SPI1: variants seen among roughly 807,000 people sequenced by gnomAD.
SPI1 encodes transcription factor PU.1.
Under a neutral mutation model 30.7 loss-of-function variants are expected in SPI1, and 3 were observed. The observed-to-expected ratio is 0.10, with a 90% CI of 0.04 to 0.25. SPI1 has a LOEUF of 0.25. Among genes scored for constraint, SPI1 ranks in the 10% least tolerant of loss-of-function variants. The probability of loss-of-function intolerance (pLI) is 1.00; values close to 1 mark genes in which losing one functional copy is unlikely to be tolerated. For synonymous variants in SPI1, 169 were observed against 157.1 expected, an observed-to-expected ratio of 1.08 and a Z score of -0.56; for missense variants, 261 against 371.5, an observed-to-expected ratio of 0.70 and a Z score of 2.45.
At chr11:47,361,086 A>T (rs890763243) in intron 2 of SPI1, among the ~76,000 whole-genome samples, 1 of 151,998 alleles carries the variant, frequency 6.6e-6, no homozygotes, top group Non-Finnish European at 1.5e-5. Flanking sequence ...GCGCCACTGC[A>T]CTCCAGCCTG....
intron 2 of SPI1, among the ~76,000 whole-genome samples, chr11:47,373,562 C>T (rs1264495604): frequency 4.6e-5 from 7 of 151,630 alleles, no homozygotes; most frequent in African/African-American, 1.5e-4. Context: ...GCAAGAGAAT[C>T]GCTTGGACCC....
At position 47,355,094 on chromosome 11, in the gene SPI1, G is replaced by C; in HGVS notation, c.*133C>G. The stretch of plus-strand genomic sequence containing the variant: ...GGGCCTGGAGTGGGGGGAGGGGGCG[G>C]GTGAGGCGAGGCCCGGCCCGCCACA... On this transcript the variant is annotated 3_prime_UTR_variant, in exon 5 of 5. Coordinates refer to ENST00000378538, the MANE Select transcript of SPI1 (RefSeq NM_003120.3). The C allele has an allele frequency of 1.8e-6, 1 of 561,724 alleles. No homozygotes were observed. Among genetic ancestry groups the C allele is most frequent in the Non-Finnish European group, 2.6e-6 (1 of 384,468 alleles). The allele number at this position is 561,724 out of a possible 1,614,324, so 34.8% of individuals were successfully genotyped here.
At chr11:47,357,230 T>C (rs575731705) in intron 4 of SPI1, among the ~76,000 whole-genome samples, 9 of 150,284 alleles carry the variant, frequency 6.0e-5, no homozygotes, top group South Asian at 4.3e-4. Flanking sequence ...TGCTCACACA[T>C]ATGCTCACAC....
At chr11:47,370,784 A>G (rs1008473282) in intron 2 of SPI1, among the ~76,000 whole-genome samples, 1 of 152,228 alleles carries the variant, frequency 6.6e-6, no homozygotes, top group African/African-American at 2.4e-5. Context: ...AGCTGTGAGT[A>G]ATAGCCACAT....
chr11:47,377,294 G>C (rs943846515), intron 1 of SPI1, among the ~76,000 whole-genome samples: 1 of 152,174 alleles, frequency 6.6e-6, no homozygotes, highest in African/African-American at 2.4e-5. Flanking sequence ...AGGGCATAGT[G>C]GGGGAAGGGA....
In SPI1 at chr11:47,375,756, T is replaced by G. The variant is rs767373871; in HGVS notation, c.46-27A>C. 1 of 1,585,760 alleles carries G rather than the reference T, an allele frequency of 6.3e-7. No homozygotes were observed. Among genetic ancestry groups the G allele is most frequent in the South Asian group, 1.1e-5 (1 of 90,484 alleles). Reference sequence around the variant, plus strand: ...TGCTGAGAGAGGAGGTGTCAGGGCCTGCACCATGGTGGGAGACCCCAGCCA... The same window carrying G: ...TGCTGAGAGAGGAGGTGTCAGGGCCGGCACCATGGTGGGAGACCCCAGCCA... On this transcript the variant is annotated intron_variant, in intron 1 of 4. Transcript: ENST00000378538. The surrounding 1 kb of genome is among the most constrained non-coding windows in gnomAD (Gnocchi z 4.2).
chr11:47,359,028 T>A lies in SPI1; in HGVS notation c.331-22A>T, dbSNP rs763680569. ...AGACCTGGACGGTGGGGGAAGGAGATCAGAGTCAGGAAGGGCCAGCTTACA... is the reference window on the plus strand; with the variant it reads ...AGACCTGGACGGTGGGGGAAGGAGAACAGAGTCAGGAAGGGCCAGCTTACA... On this transcript the variant is annotated intron_variant, in intron 3 of 4. Coordinates refer to ENST00000378538, the MANE Select transcript of SPI1 (RefSeq NM_003120.3). The surrounding 1 kb of genome is among the most constrained non-coding windows in gnomAD (Gnocchi z 5.1). 74 of 1,516,308 alleles carry A rather than the reference T, an allele frequency of 4.9e-5. No individual in the cohort carries two copies. Among genetic ancestry groups the A allele is most frequent in the Non-Finnish European group, 6.5e-5 (74 of 1,134,880 alleles). 93.9% of individuals were successfully genotyped at this position (1,516,308 alleles called of 1,614,324 possible).
chr11:47,356,922 ACCT>A (rs1302454440), intron 4 of SPI1, among the ~76,000 whole-genome samples: 3 of 136,682 alleles, frequency 2.2e-5, no homozygotes, highest in Admixed American at 7.8e-5. Context: ...GTGCTCACAC[ACCT>A]CACACCATTC....
At chr11:47,362,393 G>A (rs1156713987) in intron 2 of SPI1, among the ~76,000 whole-genome samples, 1 of 152,014 alleles carries the variant, frequency 6.6e-6, no homozygotes, top group Non-Finnish European at 1.5e-5. Flanking sequence ...AACATAGTGA[G>A]ACCCTATCTC....
intron 4 of SPI1, among the ~76,000 whole-genome samples, chr11:47,356,006 C>T (rs2095908185): frequency 6.6e-6 from 1 of 151,370 alleles, no homozygotes. Flanking sequence ...TACAATGTAT[C>T]TGATCACACA....
At position 47,359,540 on chromosome 11, in the gene SPI1, G is replaced by T. The variant is rs1042940062; in HGVS notation, c.330+313C>A. ...CAGTGACTTGGTGTGGGATCCATGA[G>T]GGCTAGTGAATGGGGGTGGCAGACA... On this transcript the variant is annotated intron_variant, in intron 3 of 4. Transcript: ENST00000378538. This position sits in a 1 kb window ranked among gnomAD's most constrained non-coding sequence, Gnocchi z 5.1. Among the ~76,000 whole-genome samples, 36 of 152,230 alleles carry T rather than the reference G, an allele frequency of 2.4e-4. No homozygotes were observed. Among genetic ancestry groups the T allele is most frequent in the Admixed American group, 3.9e-4 (6 of 15,286 alleles).
chr11:47,358,399 C>T (rs1409287450), intron 4 of SPI1: 1 of 625,564 alleles, frequency 1.6e-6, no homozygotes, highest in African/African-American at 1.8e-5. Flanking sequence ...CATACGTGCA[C>T]AGCTGCTCAC....
Position 47,355,105 on chromosome 11 carries a change from G to T in SPI1, c.*122C>A. 1 of 718,554 alleles carries T rather than the reference G, an allele frequency of 1.4e-6. No individual in the cohort carries two copies. The allele number at this position is 718,554 out of a possible 1,614,324, so 44.5% of individuals were successfully genotyped here. ...GGGGGGAGGGGGCGGGTGAGGCGAGGCCCGGCCCGCCACAGTCCTGCCTCT... is the reference window on the plus strand; with the variant it reads ...GGGGGGAGGGGGCGGGTGAGGCGAGTCCCGGCCCGCCACAGTCCTGCCTCT... On this transcript the variant is annotated 3_prime_UTR_variant, in exon 5 of 5. Coordinates refer to ENST00000378538, the MANE Select transcript of SPI1 (RefSeq NM_003120.3).
At chr11:47,356,693 TTG>T (rs1174701704) in intron 4 of SPI1, among the ~76,000 whole-genome samples, 6 of 150,908 alleles carry the variant, frequency 4.0e-5, no homozygotes, top group Non-Finnish European at 7.4e-5. Context: ...TTGCTCACCC[TTG>T]CACACACATG....
In SPI1 at chr11:47,374,080, C is replaced by G. The variant is rs1312830235; in HGVS notation, c.142+1553G>C. Among the ~76,000 whole-genome samples the G allele has an allele frequency of 6.6e-6, 1 of 152,130 alleles. No homozygotes were observed. Among genetic ancestry groups the G allele is most frequent in the African/African-American group, 2.4e-5 (1 of 41,438 alleles). On this transcript the variant is annotated intron_variant, in intron 2 of 4. Transcript: ENST00000378538. This position sits in a 1 kb window ranked among gnomAD's most constrained non-coding sequence, Gnocchi z 4.5. ...GCCTGACAGCACTGTCTGTGGTGAC[C>G]CGAGCCACCAGGGGGCGCCTGTCCC...
chr11:47,356,505 T>C (rs2095909712), intron 4 of SPI1, among the ~76,000 whole-genome samples: 1 of 82,522 alleles, frequency 1.2e-5, no homozygotes, highest in South Asian at 4.2e-4. Context: ...CTCACACTCA[T>C]ATGCCCACTC....
chr11:47,366,000 T>C (rs757873470), intron 2 of SPI1, among the ~76,000 whole-genome samples: 12 of 152,152 alleles, frequency 7.9e-5, no homozygotes, highest in Non-Finnish European at 1.0e-4. Flanking sequence ...CAGCCAACAC[T>C]GAGAGATTTT....
rs766172098 is a variant in SPI1, at chr11:47,359,996, C to G, written c.187G>C (p.Glu63Gln). The G allele has an allele frequency of 6.9e-6, 11 of 1,601,882 alleles. No homozygotes were observed. Among genetic ancestry groups the G allele is most frequent in the Non-Finnish European group, 9.4e-6 (11 of 1,173,172 alleles). The part of the protein sequence containing the change: ...FHPHHVHSEF[E>Q]SFAENNFTEL... ...GTGAAGTTGTTCTCGGCGAAGCTCT[C>G]GAACTCGCTGTGCACGTGGTGGGGG... The change falls in exon 3 of 5, where the codon GAG becomes CAG. Residue 63 changes from glutamate (E) to glutamine (Q), a missense_variant. Physicochemically the swap from Glu to Gln is conservative, Grantham distance 29. Transcript: ENST00000378538. The surrounding 1 kb of genome is among the most constrained non-coding windows in gnomAD (Gnocchi z 5.1).
intron 4 of SPI1, among the ~76,000 whole-genome samples, chr11:47,357,893 C>T (rs1481418060): frequency 2.0e-5 from 3 of 147,824 alleles, no homozygotes; most frequent in African/African-American, 7.5e-5. Context: ...CTCACACACT[C>T]ATTCACACAC....
Sources: allele counts gnomAD v4.1 joint callset (sites outside exome capture counted in the v4.1 genomes callset), GRCh38; gene constraint gnomAD v4.1.1; non-coding constraint Gnocchi (gnomAD v3.1); transcripts MANE v1.5; gene names NCBI Gene and HGNC (gene_info 2026-07-23, HGNC 2026-07-21).